ICE1: variants seen among roughly 807,000 people sequenced by gnomAD.
ICE1 encodes the protein interactor of little elongation complex ELL subunit 1.
In ICE1, 64 loss-of-function variants were observed where a neutral mutation model predicts 192.7. The ratio of observed to expected loss-of-function variants is 0.33; its 90% CI spans 0.27 to 0.41. The LOEUF is 0.41. Among genes scored for constraint, ICE1 ranks in the 10% least tolerant of loss-of-function variants. ICE1 has a pLI of 1.00. For missense variants in ICE1, 2,708 were observed against 2,696.0 expected, an observed-to-expected ratio of 1.00 and a Z score of -0.10; for synonymous variants, 1,010 against 984.5, an observed-to-expected ratio of 1.03 and a Z score of -0.49.
chr5:5,431,218 CAA>C (rs1561072217), intron 1 of ICE1, among the ~76,000 whole-genome samples: 1 of 151,950 alleles, frequency 6.6e-6, no homozygotes, highest in Non-Finnish European at 1.5e-5. Flanking sequence ...CCAAAGAACT[CAA>C]AAGAGAATGG....
intron 5 of ICE1, among the ~76,000 whole-genome samples, 184 bp downstream of exon 5, chr5:5,441,407 T>G (rs940358140): frequency 1.3e-5 from 2 of 152,238 alleles, no homozygotes; most frequent in African/African-American, 4.8e-5. Context: ...TTTACAGTGA[T>G]TATTAGCTCT....
chr5:5,422,679 A>G lies in ICE1; in HGVS notation c.-237A>G, dbSNP rs1030063106. On this transcript the variant is annotated 5_prime_UTR_variant, in exon 1 of 19. Coordinates refer to ENST00000296564, the MANE Select transcript of ICE1 (RefSeq NM_015325.3). ...CAGGGCGGGGCGGGGCCCTGACTGG[A>G]CTGCGTCGCGCTCGGGGGCCGCGCC... The G allele has an allele frequency of 2.5e-5, 8 of 317,426 alleles. No homozygotes were observed. Among genetic ancestry groups the G allele is most frequent in the Non-Finnish European group, 3.4e-5 (6 of 175,110 alleles). The allele number at this position is 317,426 out of a possible 1,614,324, so 19.7% of individuals were successfully genotyped here. A position where few individuals can be genotyped will look rare whatever the true frequency, so the allele number is the denominator to read the frequency against.
intron 11 of ICE1, among the ~76,000 whole-genome samples, chr5:5,456,791 C>G (rs1041456032): frequency 6.6e-6 from 1 of 152,088 alleles, no homozygotes; most frequent in Non-Finnish European, 1.5e-5. Context: ...AAATCAAGAC[C>G]AGGATTAGGT....
At chr5:5,459,810 A>T (rs946411613) in intron 12 of ICE1, among the ~76,000 whole-genome samples, 3 of 152,144 alleles carry the variant, frequency 2.0e-5, no homozygotes, top group African/African-American at 7.2e-5. Flanking sequence ...ACTCAAGAGG[A>T]GACGAGTTGG....
At chr5:5,444,479 G>T (rs1738149861) in intron 7 of ICE1, among the ~76,000 whole-genome samples, 153 bp downstream of exon 7, 1 of 152,202 alleles carries the variant, frequency 6.6e-6, no homozygotes, top group African/African-American at 2.4e-5. Context: ...TTAGAAAGAA[G>T]TGTGAATACT....
intron 15 of ICE1, among the ~76,000 whole-genome samples, 200 bp downstream of exon 15, chr5:5,469,188 C>A (rs1579572096): frequency 6.6e-6 from 1 of 152,156 alleles, no homozygotes; most frequent in Non-Finnish European, 1.5e-5. Flanking sequence ...GAATTGTAGA[C>A]CAAAGGATTG....
chr5:5,441,002 C>A, intron 4 of ICE1, 110 bp from the exon 5 acceptor site: 2 of 648,978 alleles, frequency 3.1e-6, no homozygotes, highest in Non-Finnish European at 5.3e-6. Flanking sequence ...AAGACTTTTT[C>A]ATCCTTTTTT....
At chr5:5,465,380 C>T (rs1374893082) in intron 13 of ICE1, among the ~76,000 whole-genome samples, 154 bp downstream of exon 13, 1 of 152,126 alleles carries the variant, frequency 6.6e-6, no homozygotes, top group African/African-American at 2.4e-5. Flanking sequence ...ATATTTCTAG[C>T]CAGCATTTTA....
rs1316809616 is a variant in ICE1 at position 5,461,810 on chromosome 5, C to T, written c.2476C>T (p.Leu826=). Reference sequence around the variant, plus strand: ...TCAGTTACAAAAGGCAATGCCATTCCTACAAAATAGAGGACCAACACCCAA... The same window carrying T: ...TCAGTTACAAAAGGCAATGCCATTCTTACAAAATAGAGGACCAACACCCAA... ...SHQLQKAMPF[L]QNRGPTPKPD... The change falls in exon 13 of 19, where the codon CTA becomes TTA. Residue 826 remains leucine, a synonymous_variant. Coordinates refer to ENST00000296564, the MANE Select transcript of ICE1 (RefSeq NM_015325.3). 1.1e-5 allele frequency: 17 copies of T among 1,613,934 alleles called. No homozygotes were observed. The highest frequency in any genetic ancestry group is 1.2e-5 in the Non-Finnish European group (14 of 1,179,858).
rs1327034758 is a variant in ICE1 at position 5,471,367 on chromosome 5, G to C, written c.6223-2191G>C. On this transcript the variant is annotated intron_variant, in intron 15 of 18. Coordinates refer to ENST00000296564, the MANE Select transcript of ICE1 (RefSeq NM_015325.3). The stretch of plus-strand genomic sequence containing the variant: ...ACTTTTCTGTACAAAGACATGTGTA[G>C]ATTCCACCTGAGTTTTAATCTAATC... Among the ~76,000 whole-genome samples, 6 of 152,216 alleles carry C rather than the reference G, an allele frequency of 3.9e-5. No individual in the cohort carries two copies. The South Asian group carries it at 1.0e-3, about 26-fold the overall frequency.
At chr5:5,436,393 C>A in intron 1 of ICE1, 25 bp from the exon 2 acceptor site, 4 of 1,401,714 alleles carry the variant, frequency 2.9e-6, no homozygotes, top group Non-Finnish European at 2.8e-6. Context: ...GATAAAAAAG[C>A]TGACTGTGGC....
Position 5,464,547 on chromosome 5 carries a change from A to T in ICE1, c.5213A>T (p.His1738Leu), listed in dbSNP as rs776543020. The change falls in exon 13 of 19, where the codon CAC (histidine) becomes CTC (leucine). Residue 1738 changes from histidine (H) to leucine (L), a missense_variant. His to Leu is a moderately conservative substitution (Grantham distance 99). Coordinates refer to ENST00000296564, the MANE Select transcript of ICE1 (RefSeq NM_015325.3). This position sits in a 1 kb window ranked among gnomAD's most constrained non-coding sequence, Gnocchi z 4.0. ...PGRLPPCASG[H>L]AAVGGPQENS... The stretch of plus-strand genomic sequence containing the variant: ...CGACTCCCACCCTGTGCATCTGGCC[A>T]CGCTGCTGTGGGAGGGCCTCAGGAG... 2.5e-6 allele frequency: 4 copies of T among 1,613,640 alleles called. No homozygotes were observed. The highest frequency in any genetic ancestry group is 2.5e-6 in the Non-Finnish European group (3 of 1,179,798).
intron 6 of ICE1, among the ~76,000 whole-genome samples, chr5:5,444,005 C>T (rs1461441770): frequency 6.6e-6 from 1 of 152,168 alleles, no homozygotes; most frequent in Non-Finnish European, 1.5e-5. Flanking sequence ...CAGCTAGTCT[C>T]ATGAATGATG....
At chr5:5,440,601 G>A (rs1412768011) in intron 4 of ICE1, among the ~76,000 whole-genome samples, 1 of 152,174 alleles carries the variant, frequency 6.6e-6, no homozygotes, top group East Asian at 1.9e-4. Context: ...AATTATAATA[G>A]TAATAGTACT....
At chr5:5,469,911 A>G (rs1413948269) in intron 15 of ICE1, among the ~76,000 whole-genome samples, 7 of 152,108 alleles carry the variant, frequency 4.6e-5, no homozygotes, top group African/African-American at 1.7e-4. Flanking sequence ...CCTGACTCCT[A>G]CTAATGGATA....
rs1049574695 is a variant in ICE1, at chr5:5,457,362, G to T, written c.722G>T (p.Arg241Ile). ...CCTGCCAAAGCAATCACCAGCTCCAGAGTGCCTGGGGAAGATGGTACGCTA... is the reference window on the plus strand; with the variant it reads ...CCTGCCAAAGCAATCACCAGCTCCATAGTGCCTGGGGAAGATGGTACGCTA... ...EKPAKAITSS[R>I]VPGEDGTLPP... The change falls in exon 12 of 19, where the codon AGA (arginine) becomes ATA (isoleucine). Residue 241 changes from arginine to isoleucine, a missense_variant. Arg to Ile is a moderately conservative substitution (Grantham distance 97). Coordinates refer to ENST00000296564, the MANE Select transcript of ICE1 (RefSeq NM_015325.3). The T allele has an allele frequency of 8.7e-6, 14 of 1,611,734 alleles. No individual in the cohort carries two copies. The highest frequency in any genetic ancestry group is 1.2e-5 in the Non-Finnish European group (14 of 1,178,794).
rs1288582662 is a variant in ICE1 at position 5,447,931 on chromosome 5, G to A, written c.604+34G>A. The stretch of plus-strand genomic sequence containing the variant: ...ATTGCAACTTTTGTTTTAATGTTGT[G>A]TATTGCTCTTAGTGGGTTGTGAGAC... On this transcript the variant is annotated intron_variant, in intron 10 of 18. Coordinates refer to ENST00000296564, the MANE Select transcript of ICE1 (RefSeq NM_015325.3). The A allele has an allele frequency of 6.7e-6, 10 of 1,494,340 alleles. No individual in the cohort carries two copies. In the East Asian group the frequency reaches 1.2e-4, roughly 18 times the overall value. The allele number at this position is 1,494,340 out of a possible 1,614,324, so 92.6% of individuals were successfully genotyped here.
chr5:5,455,796 A>G (rs1738566120), intron 11 of ICE1, among the ~76,000 whole-genome samples: 1 of 152,170 alleles, frequency 6.6e-6, no homozygotes, highest in African/African-American at 2.4e-5. Context: ...ATTTTCAGTT[A>G]CCAATGGTCA....
intron 1 of ICE1, among the ~76,000 whole-genome samples, chr5:5,426,406 C>T (rs1026256967): frequency 3.3e-5 from 5 of 150,720 alleles, no homozygotes; most frequent in African/African-American, 9.8e-5. Context: ...GATGGTGCCA[C>T]CACTGCACTC....
Sources: allele counts gnomAD v4.1 joint callset (sites outside exome capture counted in the v4.1 genomes callset), GRCh38; gene constraint gnomAD v4.1.1; non-coding constraint Gnocchi (gnomAD v3.1); transcripts MANE v1.5; gene names NCBI Gene and HGNC (gene_info 2026-07-23, HGNC 2026-07-21).